CATSPERE: variants seen among roughly 807,000 people sequenced by gnomAD.
The protein encoded by CATSPERE is cation channel sperm-associated auxiliary subunit epsilon.
Under a neutral mutation model 114.1 loss-of-function variants are expected in CATSPERE, and 93 were observed. The observed-to-expected ratio is 0.81, with a 90% CI of 0.69 to 0.97. The LOEUF is 0.97. Ranked by LOEUF, CATSPERE falls within the 50% of genes least tolerant of loss-of-function variation. The pLI, the probability that CATSPERE is intolerant of heterozygous loss-of-function variation, is 0.00. For synonymous variants in CATSPERE, 341 were observed against 384.1 expected (o/e 0.89, Z 1.31); for missense variants, 1,058 against 1,131.6 (o/e 0.93, Z 0.93).
intron 6 of CATSPERE, among the ~76,000 whole-genome samples, chr1:244,497,376 A>G (rs1315490521): frequency 3.3e-5 from 5 of 152,192 alleles, no homozygotes; most frequent in Non-Finnish European, 7.3e-5. Context: ...AAAAAATTTC[A>G]AATAAACCAT....
chr1:244,485,935 A>G (rs1194771502), intron 5 of CATSPERE, among the ~76,000 whole-genome samples: 3 of 151,664 alleles, frequency 2.0e-5, no homozygotes, highest in Admixed American at 6.6e-5. Context: ...GCCTCAAGCA[A>G]TCCTCCTGCC....
Position 244,620,662 on chromosome 1 carries a change from G to A in CATSPERE, c.2648+2976G>A, listed in dbSNP as rs2148714234. 1.3e-5 allele frequency among the ~76,000 whole-genome samples: 2 copies of A among 152,104 alleles called. 1 individual carries two copies. Among genetic ancestry groups the A allele is most frequent in the South Asian group, 4.2e-4 (2 of 4,818 alleles). ...ACAATATGACAGATTTAGTGTTCAG[G>A]GGAAACCTTTCCTGTACAGTACGTT... On this transcript the variant is annotated intron_variant, in intron 20 of 21. Transcript: ENST00000366534.
intron 7 of CATSPERE, among the ~76,000 whole-genome samples, chr1:244,503,020 C>G (rs1674309596): frequency 6.6e-6 from 1 of 152,110 alleles, no homozygotes; most frequent in South Asian, 2.1e-4. Context: ...CAGGGATAGA[C>G]AGGCCTTGAC....
At chr1:244,598,097 C>A (rs1183589612) in intron 17 of CATSPERE, among the ~76,000 whole-genome samples, 1 of 152,174 alleles carries the variant, frequency 6.6e-6, no homozygotes, top group Non-Finnish European at 1.5e-5. Context: ...ACTAGTTACA[C>A]ACATCTAAAT....
chr1:244,612,120 C>T (rs538963183), intron 19 of CATSPERE, among the ~76,000 whole-genome samples: 1 of 152,256 alleles, frequency 6.6e-6, no homozygotes, highest in Non-Finnish European at 1.5e-5. Flanking sequence ...CATTCTACTA[C>T]ATGAGAAGCT....
At chr1:244,469,354 C>T (rs1279800691) in intron 2 of CATSPERE, among the ~76,000 whole-genome samples, 1 of 152,054 alleles carries the variant, frequency 6.6e-6, no homozygotes, top group African/African-American at 2.4e-5. Flanking sequence ...CCTTATATAT[C>T]CATTACTCAG....
chr1:244,592,049 C>G (rs1667790226), intron 15 of CATSPERE, among the ~76,000 whole-genome samples: 1 of 152,012 alleles, frequency 6.6e-6, no homozygotes, highest in Non-Finnish European at 1.5e-5. Flanking sequence ...TAATTTTTCT[C>G]AAATTCTACA....
At chr1:244,487,576 A>T (rs1671302760) in intron 5 of CATSPERE, among the ~76,000 whole-genome samples, 1 of 152,166 alleles carries the variant, frequency 6.6e-6, no homozygotes, top group Non-Finnish European at 1.5e-5. Flanking sequence ...AGCATGGGAC[A>T]GCCGCTAACG....
chr1:244,555,333 C>T (rs1558488017), intron 9 of CATSPERE, among the ~76,000 whole-genome samples: 1 of 142,586 alleles, frequency 7.0e-6, no homozygotes, highest in East Asian at 2.1e-4. Flanking sequence ...TACAGTGAGC[C>T]AAGATTGTAA....
intron 11 of CATSPERE, among the ~76,000 whole-genome samples, chr1:244,580,495 T>A (rs1666006641): frequency 1.3e-5 from 2 of 152,082 alleles, no homozygotes; most frequent in Admixed American, 1.3e-4. Context: ...TAATCATTTG[T>A]TTTTTAAAAA....
At chr1:244,580,211 ATTTTTTTTT>A (rs747379847) in intron 11 of CATSPERE, among the ~76,000 whole-genome samples, 1 of 110,850 alleles carries the variant, frequency 9.0e-6, no homozygotes, top group African/African-American at 3.2e-5. Flanking sequence ...TAATTTTTGT[ATTTTTTTTT>A]TTTTTTTTTT....
At chr1:244,490,266 TA>T (rs1333479876) in intron 5 of CATSPERE, among the ~76,000 whole-genome samples, 180 bp from the exon 6 acceptor site, 3 of 152,218 alleles carry the variant, frequency 2.0e-5, no homozygotes, top group Non-Finnish European at 4.4e-5. Flanking sequence ...TCAGTAACGA[TA>T]TTGATAAATA....
chr1:244,552,003 G>A (rs895505425), intron 8 of CATSPERE, among the ~76,000 whole-genome samples: 3 of 133,312 alleles, frequency 2.3e-5, no homozygotes, highest in African/African-American at 2.8e-5. Context: ...GGCAGAGCTC[G>A]CAGCGAGCCC....
rs145315125 is a variant in CATSPERE, at chr1:244,557,087, A to G, written c.1030-3581A>G. Among the ~76,000 whole-genome samples, 53 of 152,110 alleles carry G rather than the reference A, an allele frequency of 3.5e-4. No homozygotes were observed. The East Asian group carries it at 7.7e-3, about 22-fold the overall frequency. On this transcript the variant is annotated intron_variant, in intron 9 of 21. Coordinates refer to ENST00000366534, the MANE Select transcript of CATSPERE (RefSeq NM_001130957.2). ...TTCTGTTCTGTTGGCCTATGTGTCT[A>G]TTTTTCAGCAAGTACTACACTGTTT...
rs74162774 is a variant in CATSPERE at position 244,600,371 on chromosome 1, AAG to A, written c.2304-5310_2304-5309del. 6.2e-4 allele frequency among the ~76,000 whole-genome samples: 90 copies of A among 145,052 alleles called. No individual in the cohort carries two copies. In the Middle Eastern group the frequency reaches 0.015, roughly 24 times the overall value. On this transcript the variant is annotated intron_variant, in intron 17 of 21. Coordinates refer to ENST00000366534, the MANE Select transcript of CATSPERE (RefSeq NM_001130957.2). ...GCTACCTAGTCCAAAAAAAAAAAAA[AAG>A]AGAGAGAGAGAGACTAGAAAACTCT...
At chr1:244,625,579 C>T (rs1355098959) in intron 20 of CATSPERE, among the ~76,000 whole-genome samples, 4 of 149,418 alleles carry the variant, frequency 2.7e-5, no homozygotes, top group African/African-American at 9.9e-5. Context: ...CAGGCATGTG[C>T]CACCATGCCC....
intron 8 of CATSPERE, among the ~76,000 whole-genome samples, chr1:244,547,907 CTG>C (rs1349356820): frequency 6.6e-6 from 1 of 152,206 alleles, no homozygotes; most frequent in Non-Finnish European, 1.5e-5. Flanking sequence ...GCCACTTCAC[CTG>C]TGAGGACACA....
At chr1:244,619,220 T>C (rs2148711447) in intron 20 of CATSPERE, among the ~76,000 whole-genome samples, 1 of 152,254 alleles carries the variant, frequency 6.6e-6, no homozygotes, top group Middle Eastern at 3.4e-3. Context: ...TCCAGGAGCA[T>C]ACATAAGTTA....
chr1:244,523,775 T>TA (rs1306856712), intron 8 of CATSPERE, among the ~76,000 whole-genome samples: 1 of 141,746 alleles, frequency 7.1e-6, no homozygotes, highest in Non-Finnish European at 1.5e-5. Context: ...GAATCCAACT[T>TA]ACAAGGGATG....
Sources: gnomAD v4.1 joint callset for allele counts (sites outside exome capture counted in the v4.1 genomes callset) on GRCh38, gnomAD v4.1.1 for gene constraint, MANE v1.5 for transcripts, NCBI Gene and HGNC (gene_info 2026-07-23, HGNC 2026-07-21) for gene names.